Variants in OR56A3 observed in about 807,000 individuals in gnomAD.
The protein encoded by OR56A3 is olfactory receptor 56A3.
Under a neutral mutation model 17.5 loss-of-function variants are expected in OR56A3, and 23 were observed. The observed-to-expected ratio is 1.32, with a 90% confidence interval of 0.95 to 1.87. The LOEUF is 1.87. Among genes scored for constraint, OR56A3 ranks in the 40% most tolerant of loss-of-function variants. The pLI is 0.00. For synonymous variants in OR56A3, 175 were observed against 150.6 expected (o/e 1.16, Z -1.19); for missense variants, 366 against 380.1 (o/e 0.96, Z 0.31).
chr11:5,971,142 C>A, the OR56A3 span, among the ~76,000 whole-genome samples: 1 of 152,134 alleles, frequency 6.6e-6, no homozygotes, highest in East Asian at 1.9e-4. Flanking sequence ...TGCCCTCTGG[C>A]CCCAAAGCCT....
chr11:5,958,465 G>A, the OR56A3 span, among the ~76,000 whole-genome samples: 2 of 151,962 alleles, frequency 1.3e-5, no homozygotes, highest in South Asian at 2.1e-4. Context: ...GTTTTTTATT[G>A]TTCACTTATT....
At chr11:5,995,133 GA>G in the OR56A3 span, 1 of 576,642 alleles carries the variant, frequency 1.7e-6, no homozygotes, top group Non-Finnish European at 3.1e-6. Flanking sequence ...AGTTGGTGGA[GA>G]AGGTGGAGTG....
rs1483313168 is a variant in OR56A3 at position 5,949,948 on chromosome 11, TTTTC to T, written c.*1658_*1661del. 1 of 152,210 alleles carries T rather than the reference TTTTC, an allele frequency of 6.6e-6. No individual in the cohort carries two copies. Among genetic ancestry groups the T allele is most frequent in the African/African-American group, 2.4e-5 (1 of 41,456 alleles). 9.4% of individuals were successfully genotyped at this position (152,210 alleles called of 1,614,324 possible). A position where few individuals can be genotyped will look rare whatever the true frequency, so the allele number is the denominator to read the frequency against. ...TGTTAAGATCCGAGTAGATACACCT[TTTTC>T]TTTATTACTCAAAGAAGAAGGACTC... On this transcript the variant is annotated 3_prime_UTR_variant, in exon 3 of 3. Transcript: ENST00000641160.
the OR56A3 span, among the ~76,000 whole-genome samples, chr11:5,979,678 T>C: frequency 6.6e-6 from 1 of 152,100 alleles, no homozygotes; most frequent in Non-Finnish European, 1.5e-5. Context: ...ATCTTTTGTA[T>C]AGTTTTTTGC....
At chr11:5,954,579 T>C (rs529710182), downstream of OR56A3, among the ~76,000 whole-genome samples, 2 of 152,354 alleles carry the variant, frequency 1.3e-5, no homozygotes, top group South Asian at 4.1e-4. Context: ...TTTTAAATAA[T>C]GTTTTCATTG....
the OR56A3 span, among the ~76,000 whole-genome samples, chr11:5,962,685 C>G: frequency 1.2e-4 from 18 of 152,030 alleles, no homozygotes; most frequent in Non-Finnish European, 2.4e-4. Context: ...ACTACAGGCG[C>G]CTGCCACCGC....
chr11:5,956,127 T>C (rs866070137), downstream of OR56A3, among the ~76,000 whole-genome samples: 2 of 152,220 alleles, frequency 1.3e-5, no homozygotes, highest in Non-Finnish European at 2.9e-5. Context: ...CTAGAAAACA[T>C]AGCATTCTTA....
downstream of OR56A3, among the ~76,000 whole-genome samples, chr11:5,955,052 A>C (rs1443608195): frequency 6.6e-6 from 1 of 152,228 alleles, no homozygotes; most frequent in Non-Finnish European, 1.5e-5. Context: ...CTGGGGAAAG[A>C]ATGATTAATG....
At chr11:5,980,923 T>A in the OR56A3 span, among the ~76,000 whole-genome samples, 1 of 152,160 alleles carries the variant, frequency 6.6e-6, no homozygotes, top group Non-Finnish European at 1.5e-5. Flanking sequence ...CTTATGAAGC[T>A]TAGTTTGGCT....
At chr11:5,989,426 T>C in the OR56A3 span, among the ~76,000 whole-genome samples, 2 of 109,902 alleles carry the variant, frequency 1.8e-5, no homozygotes, top group Non-Finnish European at 4.0e-5. Context: ...GTAAATAAAG[T>C]AAATAAAGTA....
At chr11:6,004,384 G>A in the OR56A3 span, among the ~76,000 whole-genome samples, 1 of 152,116 alleles carries the variant, frequency 6.6e-6, no homozygotes, top group Non-Finnish European at 1.5e-5. Context: ...GGGAGATTAG[G>A]AAGTGTGTAA....
the OR56A3 span, chr11:5,999,353 A>G: frequency 2.0e-5 from 3 of 152,250 alleles, no homozygotes; most frequent in African/African-American, 7.2e-5. Flanking sequence ...TTCAATGTGT[A>G]TATAATTTAA....
At chr11:6,013,652 C>A in the OR56A3 span, among the ~76,000 whole-genome samples, 1 of 152,184 alleles carries the variant, frequency 6.6e-6, no homozygotes, top group Non-Finnish European at 1.5e-5. Context: ...CACATGTGTG[C>A]ACCATCAGAG....
At chr11:6,012,029 C>T in the OR56A3 span, among the ~76,000 whole-genome samples, 1 of 152,208 alleles carries the variant, frequency 6.6e-6, no homozygotes, top group East Asian at 1.9e-4. Context: ...CAGGGAGCTC[C>T]CAGATCTGGG....
At position 5,948,238 on chromosome 11, in the gene OR56A3, G is replaced by T. The variant is rs1258914858; in HGVS notation, c.892G>T (p.Val298Leu). The T allele has an allele frequency of 1.9e-6, 3 of 1,614,082 alleles. No individual in the cohort carries two copies. In the African/African-American group the frequency reaches 4.0e-5, roughly 22 times the overall value. Residue 298 changes from valine to leucine, a missense_variant, in exon 3 of 3, where the codon GTG becomes TTG. Val to Leu is a conservative substitution (Grantham distance 32, BLOSUM62 1). Coordinates refer to ENST00000641160, the MANE Select transcript of OR56A3 (RefSeq NM_001003443.3). ...AGCCCTTAACCCCATCATTTACGGG[G>T]TGAGAACCCAAGAAATTAAGCAGGG... ...PAALNPIIYGVRTQEIKQGMQ... is the reference protein window; with the variant it reads ...PAALNPIIYGLRTQEIKQGMQ...
chr11:6,010,658 C>T, the OR56A3 span, among the ~76,000 whole-genome samples: 1 of 152,160 alleles, frequency 6.6e-6, no homozygotes, highest in Admixed American at 6.5e-5. Flanking sequence ...GCAGATTACC[C>T]AGCCTCAGGT....
At chr11:5,967,584 T>C in the OR56A3 span, 9 of 1,606,230 alleles carry the variant, frequency 5.6e-6, no homozygotes, top group Non-Finnish European at 7.7e-6. Flanking sequence ...CTGGATTCCC[T>C]GCTTGATCTC....
At chr11:6,003,326 T>C in the OR56A3 span, 2 of 483,124 alleles carry the variant, frequency 4.1e-6, no homozygotes, top group Non-Finnish European at 3.6e-6. Flanking sequence ...CACCACGCAG[T>C]TTAAAAACCA....
rs764470802 is a variant in OR56A3 at position 5,948,198 on chromosome 11, C to G, written c.852C>G (p.His284Gln). 6.2e-7 allele frequency: 1 copy of G among 1,614,238 alleles called. No homozygotes were observed. Among genetic ancestry groups the G allele is most frequent in the Non-Finnish European group, 8.5e-7 (1 of 1,180,022 alleles). The stretch of plus-strand genomic sequence containing the variant: ...TGCCAGTCTTGCTCAATGTTCTCCA[C>G]CATGTCATTCCTGCAGCCCTTAACC... ...PDVPVLLNVL[H>Q]HVIPAALNPI... The change falls in exon 3 of 3, where the codon CAC becomes CAG. Residue 284 changes from histidine to glutamine, a missense_variant. Coordinates refer to ENST00000641160, the MANE Select transcript of OR56A3 (RefSeq NM_001003443.3).
Sources: allele counts gnomAD v4.1 joint callset (sites outside exome capture counted in the v4.1 genomes callset), GRCh38; gene constraint gnomAD v4.1.1; transcripts MANE v1.5; gene names NCBI Gene and HGNC (gene_info 2026-07-23, HGNC 2026-07-21).